The following CRACR2A variants were observed in gnomAD, a reference collection of about 807,000 sequenced individuals.
CRACR2A encodes EF-hand calcium-binding domain-containing protein 4B.
Under a neutral mutation model 90.5 loss-of-function variants are expected in CRACR2A, and 79 were observed. The ratio of observed to expected loss-of-function variants is 0.87; its 90% CI spans 0.73 to 1.05. The LOEUF (loss-of-function observed/expected upper bound fraction) is 1.05. CRACR2A is among the 50% of genes least tolerant of loss of function. CRACR2A has a pLI of 0.00. For missense variants in CRACR2A, 823 were observed against 897.2 expected (o/e 0.92, Z 1.06); for synonymous variants, 338 against 356.7 (o/e 0.95, Z 0.59).
intron 4 of CRACR2A, among the ~76,000 whole-genome samples, chr12:3,685,730 G>A (rs926414012): frequency 1.6e-4 from 24 of 152,320 alleles, no homozygotes; most frequent in Admixed American, 9.8e-4. Context: ...GGCTGGGAGT[G>A]GGCGAAATGA....
intron 1 of CRACR2A, among the ~76,000 whole-genome samples, chr12:3,737,441 C>A (rs1460056723): frequency 6.6e-6 from 1 of 152,122 alleles, no homozygotes; most frequent in African/African-American, 2.4e-5. Flanking sequence ...AAGTTAAAAT[C>A]TAAAAGGTTG....
In CRACR2A at chr12:3,680,325, T is replaced by G; in HGVS notation, c.253A>C (p.Ser85Arg). The change falls in exon 5 of 20, where the codon AGC becomes CGC. Residue 85 changes from serine (S) to arginine (R), a missense_variant. Transcript: ENST00000440314. ...AACACATCCTCCAGTTCCTCCAGGCTGAGCGGTAGCTCCTTATGCAGCCTC... is the reference window on the plus strand; with the variant it reads ...AACACATCCTCCAGTTCCTCCAGGCGGAGCGGTAGCTCCTTATGCAGCCTC... ...MQRLHKELPL[S>R]LEELEDVFDA... 1 of 1,614,170 alleles carries G rather than the reference T, an allele frequency of 6.2e-7. No individual in the cohort carries two copies. The highest frequency in any genetic ancestry group is 8.5e-7 in the Non-Finnish European group (1 of 1,180,002).
intron 2 of CRACR2A, chr12:3,727,153 C>CAAAAA (rs5796073): frequency 4.5e-5 from 4 of 88,628 alleles, no homozygotes; most frequent in South Asian, 4.0e-4. Flanking sequence ...GACTCTGTCT[C>CAAAAA]AAAAAAAAAA....
At chr12:3,731,680 T>C (rs1946363126) in intron 2 of CRACR2A, 1 of 152,254 alleles carries the variant, frequency 6.6e-6, no homozygotes, top group Non-Finnish European at 1.5e-5. Context: ...GAATGTGACC[T>C]TCTTTGGAAA....
chr12:3,711,173 C>T lies in CRACR2A; in HGVS notation c.-37+2064G>A, dbSNP rs559752392. Among the ~76,000 whole-genome samples the T allele has an allele frequency of 6.6e-6, 1 of 152,302 alleles. No individual in the cohort carries two copies. Among genetic ancestry groups the T allele is most frequent in the East Asian group, 1.9e-4 (1 of 5,184 alleles). On this transcript the variant is annotated intron_variant, in intron 3 of 19. Coordinates refer to ENST00000440314, the MANE Select transcript of CRACR2A (RefSeq NM_001144958.2). The surrounding 1 kb of genome is among the most constrained non-coding windows in gnomAD (Gnocchi z 4.3). ...AGACAAATTCCTCACCAGCTGTGAA[C>T]CTGTGAAATCAAACAAGTTAGGTGC...
intron 6 of CRACR2A, 107 bp from the exon 7 acceptor site, chr12:3,673,699 CATT>C (rs1398855932): frequency 1.4e-6 from 2 of 1,405,576 alleles, no homozygotes; most frequent in African/African-American, 1.4e-5. Flanking sequence ...CCGTCAGAAT[CATT>C]ATAAAGATGA....
In CRACR2A at chr12:3,680,086, T is replaced by C; in HGVS notation, c.340+152A>G. The C allele has an allele frequency of 1.3e-5, 8 of 603,540 alleles. No homozygotes were observed. In the South Asian group the frequency reaches 1.4e-4, roughly 11 times the overall value. The allele number at this position is 603,540 out of a possible 1,614,324, so 37.4% of individuals were successfully genotyped here. On this transcript the variant is annotated intron_variant, in intron 5 of 19. Coordinates refer to ENST00000440314, the MANE Select transcript of CRACR2A (RefSeq NM_001144958.2). ...GGCATGTGAGGAGGCCCAAGCAATC[T>C]AGAGCCTGGAGACCTTGAGCTCCAG...
At chr12:3,621,955 T>C (rs1309134366) in intron 17 of CRACR2A, among the ~76,000 whole-genome samples, 1 of 152,112 alleles carries the variant, frequency 6.6e-6, no homozygotes, top group Non-Finnish European at 1.5e-5. Context: ...ACCATCACCC[T>C]GGCCCAAGGT....
At chr12:3,730,481 A>G (rs1946344714) in intron 2 of CRACR2A, 1 of 152,222 alleles carries the variant, frequency 6.6e-6, no homozygotes, top group Non-Finnish European at 1.5e-5. Flanking sequence ...ACACACGTTC[A>G]GGGTCAACAT....
chr12:3,634,588 C>T (rs1342848606), intron 14 of CRACR2A, among the ~76,000 whole-genome samples: 1 of 152,226 alleles, frequency 6.6e-6, no homozygotes, highest in Non-Finnish European at 1.5e-5. Context: ...ATCATTCATT[C>T]CAGGAGCTGC....
At chr12:3,670,671 T>C (rs1298130491) in intron 7 of CRACR2A, among the ~76,000 whole-genome samples, 1 of 152,182 alleles carries the variant, frequency 6.6e-6, no homozygotes, top group Non-Finnish European at 1.5e-5. Flanking sequence ...ACATCCGATG[T>C]TGCCAATAAG....
intron 7 of CRACR2A, 142 bp from the exon 8 acceptor site, chr12:3,659,796 GAT>G: frequency 1.5e-6 from 1 of 659,042 alleles, no homozygotes; most frequent in Non-Finnish European, 2.7e-6. Context: ...AACGCTATAA[GAT>G]CAGTCCCTCA....
chr12:3,714,588 TATAA>T (rs1436123285), intron 2 of CRACR2A, among the ~76,000 whole-genome samples: 9 of 152,246 alleles, frequency 5.9e-5, no homozygotes, highest in Non-Finnish European at 1.2e-4. Flanking sequence ...TTGTTTAGAC[TATAA>T]ATAAGATATG....
chr12:3,681,472 C>A (rs563525134), intron 4 of CRACR2A, among the ~76,000 whole-genome samples: 2 of 152,350 alleles, frequency 1.3e-5, no homozygotes, highest in Non-Finnish European at 2.9e-5. Context: ...TCCCTTCTGG[C>A]CTTCTGCCCG....
rs1253457433 is a variant in CRACR2A, at chr12:3,616,973, A to G, written c.2092T>C (p.Ser698Pro). ...CTTTACCTGGCCAGATGGAGCAGGG[A>G]CTCTTTGGTGTTGTGACCAGAGTAG... The part of the protein sequence containing the change: ...SAYSGHNTKE[S>P]LLHLARFLKE... The change falls in exon 19 of 20, where the codon TCC (serine) becomes CCC (proline). Residue 698 changes from serine to proline, a missense_variant. Coordinates refer to ENST00000440314, the MANE Select transcript of CRACR2A (RefSeq NM_001144958.2). The G allele has an allele frequency of 6.4e-7, 1 of 1,551,134 alleles. No homozygotes were observed. Among genetic ancestry groups the G allele is most frequent in the Non-Finnish European group, 8.7e-7 (1 of 1,146,780 alleles).
intron 10 of CRACR2A, among the ~76,000 whole-genome samples, chr12:3,653,250 G>A (rs1298973085): frequency 1.3e-5 from 2 of 152,044 alleles, no homozygotes; most frequent in Non-Finnish European, 2.9e-5. Context: ...CAAAGTGCTG[G>A]GATTACAGGC....
chr12:3,713,802 T>C (rs1004000138), intron 2 of CRACR2A, among the ~76,000 whole-genome samples: 1 of 152,140 alleles, frequency 6.6e-6, no homozygotes, highest in Non-Finnish European at 1.5e-5. Context: ...GCCTAGGGGC[T>C]ACATAAGGAG....
rs987235421 is a variant in CRACR2A at position 3,746,739 on chromosome 12, G to A, written c.-387+6276C>T. ...TAGCATGCATGGAAGCTAATTAGGT[G>A]AGAGACTCTGCTTCTGCCTCCTGGA... On this transcript the variant is annotated intron_variant, in intron 1 of 19. Coordinates refer to ENST00000440314, the MANE Select transcript of CRACR2A (RefSeq NM_001144958.2). This position sits in a 1 kb window ranked among gnomAD's most constrained non-coding sequence, Gnocchi z 4.4. Among the ~76,000 whole-genome samples the A allele has an allele frequency of 1.3e-5, 2 of 152,238 alleles. No individual in the cohort carries two copies. Among genetic ancestry groups the A allele is most frequent in the African/African-American group, 2.4e-5 (1 of 41,464 alleles).
intron 2 of CRACR2A, among the ~76,000 whole-genome samples, chr12:3,722,858 C>A (rs1259134147): frequency 4.6e-5 from 7 of 152,208 alleles, no homozygotes; most frequent in African/African-American, 1.7e-4. Context: ...TAAACAAAAA[C>A]AGAATTGGGA....
Sources: gnomAD v4.1 joint callset for allele counts (sites outside exome capture counted in the v4.1 genomes callset) on GRCh38, gnomAD v4.1.1 for gene constraint, Gnocchi (gnomAD v3.1) non-coding constraint, MANE v1.5 for transcripts, NCBI Gene and HGNC (gene_info 2026-07-23, HGNC 2026-07-21) for gene names.